The following LINGO2 variants were observed in gnomAD, a reference collection of about 807,000 sequenced individuals.
The protein encoded by LINGO2 is leucine-rich repeat and immunoglobulin-like domain-containing nogo receptor-interacting protein 2.
In LINGO2, 14 loss-of-function variants were observed where a neutral mutation model predicts 30.6. The ratio of observed to expected loss-of-function variants is 0.46; its 90% CI spans 0.30 to 0.72. The LOEUF is 0.72. LINGO2 is among the 30% of genes least tolerant of loss of function. The pLI is 0.07. For synonymous variants in LINGO2, 317 were observed against 288.5 expected (o/e 1.10, Z -1.00); for missense variants, 729 against 751.7 (o/e 0.97, Z 0.35).
chr9:28,179,911 A>G (rs191460871), intron 4 of LINGO2, among the ~76,000 whole-genome samples: 81 of 152,150 alleles, frequency 5.3e-4, no homozygotes, highest in African/African-American at 1.9e-3. Context: ...GAAACAAAAT[A>G]GTCAAATAAT....
At chr9:28,203,401 G>A (rs966916099) in intron 4 of LINGO2, among the ~76,000 whole-genome samples, 6 of 152,182 alleles carry the variant, frequency 3.9e-5, no homozygotes, top group African/African-American at 9.7e-5. Flanking sequence ...AATAGCTGCA[G>A]TGCCTCCTCT....
At chr9:28,164,716 G>A (rs546872612) in intron 4 of LINGO2, among the ~76,000 whole-genome samples, 175 of 152,160 alleles carry the variant, frequency 1.2e-3, no homozygotes, top group African/African-American at 3.8e-3. Context: ...TGAGCTGGCC[G>A]GTTCACCCCT....
intron 4 of LINGO2, among the ~76,000 whole-genome samples, chr9:28,165,039 T>C (rs1828388616): frequency 6.6e-6 from 1 of 152,222 alleles, no homozygotes; most frequent in Admixed American, 6.5e-5. Flanking sequence ...ACCTCATCTC[T>C]GGGCAATACC....
the LINGO2 span, among the ~76,000 whole-genome samples, chr9:29,035,874 G>A: frequency 1.5e-4 from 23 of 152,040 alleles, 1 homozygote; most frequent in East Asian, 3.3e-3. Flanking sequence ...AAATTGTCAT[G>A]GAGGCAGAGA....
At chr9:28,052,105 T>G (rs183877940) in intron 4 of LINGO2, among the ~76,000 whole-genome samples, 331 of 152,180 alleles carry the variant, frequency 2.2e-3, no homozygotes, top group Non-Finnish European at 3.8e-3. Flanking sequence ...CTGGGCCCAG[T>G]AAGTGGTTTC....
intron 1 of LINGO2, among the ~76,000 whole-genome samples, chr9:28,542,196 C>T (rs564479554): frequency 1.5e-3 from 225 of 151,644 alleles, no homozygotes; most frequent in Non-Finnish European, 2.7e-3. Context: ...AATGGCCATA[C>T]CTTTTCCACT....
At chr9:28,200,592 GC>G (rs1820194146) in intron 4 of LINGO2, among the ~76,000 whole-genome samples, 1 of 152,146 alleles carries the variant, frequency 6.6e-6, no homozygotes, top group Non-Finnish European at 1.5e-5. Context: ...CATACTGGCT[GC>G]AAAGGTATGA....
the LINGO2 span, among the ~76,000 whole-genome samples, chr9:28,923,879 T>C: frequency 6.6e-6 from 1 of 152,140 alleles, no homozygotes; most frequent in African/African-American, 2.4e-5. Flanking sequence ...CTGTTACACT[T>C]GGCAATATCC....
chr9:28,237,462 A>G (rs1821614932), intron 4 of LINGO2, among the ~76,000 whole-genome samples: 1 of 152,088 alleles, frequency 6.6e-6, no homozygotes. Context: ...CAATAATAAC[A>G]TCGAATGTAA....
At chr9:28,776,644 T>C in the LINGO2 span, among the ~76,000 whole-genome samples, 25 of 152,266 alleles carry the variant, frequency 1.6e-4, no homozygotes, top group Admixed American at 5.9e-4. Context: ...GCACGATGCA[T>C]ACCAGGTACC....
intron 4 of LINGO2, among the ~76,000 whole-genome samples, chr9:28,174,919 TGTGAGA>T (rs1267487751): frequency 1.1e-3 from 163 of 142,470 alleles, no homozygotes; most frequent in African/African-American, 4.1e-3. Context: ...TGTGTGTGTG[TGTGAGA>T]GAGAGAGAGA....
chr9:28,218,423 T>C (rs1820845153), intron 4 of LINGO2, among the ~76,000 whole-genome samples: 1 of 151,984 alleles, frequency 6.6e-6, no homozygotes, highest in South Asian at 2.1e-4. Context: ...TTGGCCAGTC[T>C]GCTTCCTAGA....
At chr9:28,104,295 T>A (rs1168685201) in intron 4 of LINGO2, among the ~76,000 whole-genome samples, 3 of 150,286 alleles carry the variant, frequency 2.0e-5, no homozygotes, top group African/African-American at 4.9e-5. Context: ...TTGCTTTTTT[T>A]TCCCCAAGCA....
At chr9:27,947,072 T>A (rs1324136757), downstream of LINGO2, among the ~76,000 whole-genome samples, 1 of 152,176 alleles carries the variant, frequency 6.6e-6, no homozygotes, top group Non-Finnish European at 1.5e-5. Flanking sequence ...AGCTTACATG[T>A]TATTAAAAAC....
chr9:28,361,672 T>C (rs2134509409), intron 3 of LINGO2, among the ~76,000 whole-genome samples: 1 of 152,308 alleles, frequency 6.6e-6, no homozygotes, highest in Admixed American at 6.5e-5. Flanking sequence ...GCTATTTGCC[T>C]CTAAAAATTC....
the LINGO2 span, among the ~76,000 whole-genome samples, chr9:29,129,344 G>C: frequency 1.3e-5 from 2 of 152,100 alleles, no homozygotes; most frequent in African/African-American, 4.8e-5. Context: ...ATGAAAAAAT[G>C]AGTACATGTA....
intron 4 of LINGO2, among the ~76,000 whole-genome samples, chr9:28,274,227 A>T (rs1406563365): frequency 6.6e-6 from 1 of 152,134 alleles, no homozygotes; most frequent in Non-Finnish European, 1.5e-5. Flanking sequence ...ATTCCTAATC[A>T]TTCTCTCCTC....
At chr9:28,839,506 G>T in the LINGO2 span, among the ~76,000 whole-genome samples, 3 of 152,014 alleles carry the variant, frequency 2.0e-5, no homozygotes, top group African/African-American at 7.2e-5. Context: ...ACCAGGAGTG[G>T]GTAGCTCCTA....
the LINGO2 span, among the ~76,000 whole-genome samples, chr9:28,848,070 A>AT: frequency 0.3 from 7,687 of 25,336 alleles, 1,289 homozygotes; most frequent in Middle Eastern, 0.55. Context: ...TATGTATATA[A>AT]TATATATATA....
Sources: allele counts gnomAD v4.1 joint callset (sites outside exome capture counted in the v4.1 genomes callset), GRCh38; gene constraint gnomAD v4.1.1; transcripts MANE v1.5; gene names NCBI Gene and HGNC (gene_info 2026-07-23, HGNC 2026-07-21).